The following NLRP2 variants were observed in gnomAD, a reference collection of about 807,000 sequenced individuals.
NLRP2 encodes the protein NACHT, LRR and PYD domains-containing protein 2.
A neutral mutation model predicts 97.2 loss-of-function variants in NLRP2; 107 were observed. The observed-to-expected ratio is 1.10, with a 90% CI of 0.94 to 1.29. The LOEUF (loss-of-function observed/expected upper bound fraction) is 1.29, where lower values mean the gene tolerates loss of function less well. Ranked by LOEUF, NLRP2 falls within the 50% of genes most tolerant of loss-of-function variation. The probability of loss-of-function intolerance (pLI) is 0.00; values close to 1 mark genes in which losing one functional copy is unlikely to be tolerated. For synonymous variants in NLRP2, 663 were observed against 551.5 expected (o/e 1.20, Z -2.83); for missense variants, 1,495 against 1,330.3 (o/e 1.12, Z -1.93).
At chr19:54,986,890 C>T (rs1216567441) in intron 8 of NLRP2, among the ~76,000 whole-genome samples, 5 of 150,854 alleles carry the variant, frequency 3.3e-5, no homozygotes, top group Non-Finnish European at 7.4e-5. Context: ...TTTTCTTTTT[C>T]TTTTTTCTTT....
rs1568530000 is a variant in NLRP2 at position 54,992,547 on chromosome 19, GGGGGT to G, written c.2709-1721_2709-1717del. 2.2e-5 allele frequency among the ~76,000 whole-genome samples: 3 copies of G among 135,770 alleles called. No homozygotes were observed. The South Asian group carries it at 7.2e-4, about 33-fold the overall frequency. 89.1% of individuals were successfully genotyped at this position (135,770 alleles called of 152,430 possible). A position where few individuals can be genotyped will look rare whatever the true frequency, so the allele number is the denominator to read the frequency against. On this transcript the variant is annotated intron_variant, in intron 10 of 12. Coordinates refer to ENST00000448584, the MANE Select transcript of NLRP2 (RefSeq NM_017852.5). The stretch of plus-strand genomic sequence containing the variant: ...GTGTGTGGTATTTTTTTGGGGGGGG[GGGGGT>G]TTTCTTTTTTTTTTTTTTTTGGTTT...
intron 8 of NLRP2, among the ~76,000 whole-genome samples, chr19:54,989,189 C>CA (rs1052125221): frequency 2.0e-5 from 3 of 151,816 alleles, no homozygotes; most frequent in Admixed American, 6.6e-5. Flanking sequence ...AACTCCTGAC[C>CA]TCCTGATCTG....
chr19:54,973,491 T>G (rs1156687281), intron 2 of NLRP2, among the ~76,000 whole-genome samples: 1 of 151,680 alleles, frequency 6.6e-6, no homozygotes, highest in Non-Finnish European at 1.5e-5. Flanking sequence ...TTCTCCTGCC[T>G]CAGCCTCCAG....
At chr19:54,974,353 A>C (rs2071060822) in intron 2 of NLRP2, 147 bp from the exon 3 acceptor site, 9 of 749,004 alleles carry the variant, frequency 1.2e-5, no homozygotes, top group Admixed American at 1.1e-4. Flanking sequence ...TGTCTCAAAA[A>C]AAAAAGATGC....
chr19:54,972,361 T>G (rs765612106), intron 2 of NLRP2, among the ~76,000 whole-genome samples: 5 of 151,696 alleles, frequency 3.3e-5, no homozygotes, highest in Non-Finnish European at 7.4e-5. Context: ...ATTTTGTATT[T>G]TAATAGAGAT....
Position 54,998,791 on chromosome 19 carries a change from C to T in NLRP2, c.3050+1304C>T, listed in dbSNP as rs372685911. On this transcript the variant is annotated intron_variant, in intron 12 of 12. Transcript: ENST00000448584. ...CAGAGGACCCTGCGGCCTTCCGCAGCGTTTGTGTCCCTGGGTACTTGAGAT... is the reference window on the plus strand; with the variant it reads ...CAGAGGACCCTGCGGCCTTCCGCAGTGTTTGTGTCCCTGGGTACTTGAGAT... Among the ~76,000 whole-genome samples the T allele has an allele frequency of 3.2e-3, 480 of 149,518 alleles. 5 individuals are homozygous for T. The highest frequency in any genetic ancestry group is 0.011 in the African/African-American group (442 of 39,770).
rs754762649 is a variant in NLRP2 at position 54,977,798 on chromosome 19, G to A, written c.372G>A (p.Leu124=). 4 of 1,613,768 alleles carry A rather than the reference G, an allele frequency of 2.5e-6. No homozygotes were observed. In the East Asian group the frequency reaches 6.7e-5, roughly 27 times the overall value. ...ERPPLDVDEM[L]ERFKTEAQAF... is the part of the protein sequence containing the mutation. ...CACCTCTAGACGTGGACGAAATGCT[G>A]GAGCGCTTCAAAACAGAAGCACAAG... Residue 124 remains leucine, a synonymous_variant, in exon 4 of 13, where the codon CTG becomes CTA. Coordinates refer to ENST00000448584, the MANE Select transcript of NLRP2 (RefSeq NM_017852.5).
chr19:54,976,056 CTTT>C (rs75652002), intron 3 of NLRP2, among the ~76,000 whole-genome samples: 14 of 148,468 alleles, frequency 9.4e-5, no homozygotes, highest in African/African-American at 3.0e-4. Context: ...GCCATGAAGA[CTTT>C]TTTTTTTTGG....
chr19:54,979,294 T>A (rs529639058), intron 4 of NLRP2, among the ~76,000 whole-genome samples: 6 of 151,920 alleles, frequency 3.9e-5, no homozygotes, highest in African/African-American at 1.4e-4. Flanking sequence ...CTGTGATCAG[T>A]TTCAGATCAG....
chr19:54,984,483 A>G (rs1434423247), intron 6 of NLRP2, among the ~76,000 whole-genome samples: 2 of 46,192 alleles, frequency 4.3e-5, no homozygotes, highest in Non-Finnish European at 7.1e-5. Flanking sequence ...TATATTCCCA[A>G]TCTTTTTTTT....
chr19:54,998,396 C>T (rs2072960072), intron 12 of NLRP2, among the ~76,000 whole-genome samples: 2 of 152,054 alleles, frequency 1.3e-5, no homozygotes, highest in Non-Finnish European at 2.9e-5. Flanking sequence ...GAAATTCTCA[C>T]AAGCAATATA....
intron 11 of NLRP2, among the ~76,000 whole-genome samples, chr19:54,996,864 G>A (rs2072854358): frequency 1.3e-5 from 2 of 151,332 alleles, no homozygotes; most frequent in Admixed American, 1.3e-4. Flanking sequence ...ACCCCTCATC[G>A]CCTCCATATT....
chr19:54,966,825 C>CTTTTTTTTTTT (rs1044701142), intron 1 of NLRP2, among the ~76,000 whole-genome samples: 8 of 74,988 alleles, frequency 1.1e-4, no homozygotes, highest in Non-Finnish European at 1.7e-4. Context: ...CGCGCCCAGC[C>CTTTTTTTTTTT]TTTTTTTTTT....
chr19:54,968,557 A>G (rs1038486608), intron 1 of NLRP2, among the ~76,000 whole-genome samples: 2 of 151,110 alleles, frequency 1.3e-5, no homozygotes, highest in Admixed American at 6.6e-5. Flanking sequence ...GCTGGTCTCA[A>G]ACTCCAAGCA....
intron 11 of NLRP2, among the ~76,000 whole-genome samples, chr19:54,995,392 A>G (rs1453484213): frequency 6.6e-6 from 1 of 151,192 alleles, no homozygotes; most frequent in African/African-American, 2.4e-5. Context: ...GGGTTTCTCC[A>G]TGTTGGTCAG....
At chr19:54,966,616 G>T (rs1011548237) in intron 1 of NLRP2, 149 bp downstream of exon 1, 1 of 152,090 alleles carries the variant, frequency 6.6e-6, no homozygotes, top group Admixed American at 6.6e-5. Flanking sequence ...CGCGATCTCG[G>T]CTCACTGCAA....
At chr19:54,967,365 C>G (rs1307832246) in intron 1 of NLRP2, among the ~76,000 whole-genome samples, 2 of 151,812 alleles carry the variant, frequency 1.3e-5, no homozygotes, top group East Asian at 1.9e-4. Context: ...ACTTGTAATC[C>G]TAGCTACTCA....
chr19:54,966,850 T>A (rs2070465719), intron 1 of NLRP2, among the ~76,000 whole-genome samples: 7 of 117,504 alleles, frequency 6.0e-5, no homozygotes, highest in Non-Finnish European at 1.1e-4. Context: ...TTTTTTTTTT[T>A]TCTTCTCTTT....
chr19:54,986,529 C>T, intron 8 of NLRP2: 1 of 584,262 alleles, frequency 1.7e-6, no homozygotes, highest in Non-Finnish European at 3.0e-6. Flanking sequence ...ACCCTGAATC[C>T]AAAGAAACTC....
Sources: gnomAD v4.1 joint callset for allele counts (sites outside exome capture counted in the v4.1 genomes callset) on GRCh38, gnomAD v4.1.1 for gene constraint, MANE v1.5 for transcripts, NCBI Gene and HGNC (gene_info 2026-07-23, HGNC 2026-07-21) for gene names.